Variants in SLC1A3 observed in about 807,000 individuals in gnomAD.
The protein encoded by SLC1A3 is solute carrier family 1 member 3, also known as excitatory amino acid transporter 1.
A neutral mutation model predicts 48.1 loss-of-function variants in SLC1A3; 21 were observed. The observed-to-expected ratio is 0.44, with a 90% CI of 0.31 to 0.63. SLC1A3 has a LOEUF of 0.63. Among genes scored for constraint, SLC1A3 ranks in the 20% least tolerant of loss-of-function variants. The probability of loss-of-function intolerance (pLI) is 0.08; values close to 1 mark genes in which losing one functional copy is unlikely to be tolerated. For missense variants in SLC1A3, 546 were observed against 689.0 expected, an observed-to-expected ratio of 0.79 and a Z score of 2.32; for synonymous variants, 239 against 251.4, an observed-to-expected ratio of 0.95 and a Z score of 0.47.
At chr5:36,675,919 C>A (rs973088567) in intron 5 of SLC1A3, among the ~76,000 whole-genome samples, 12 of 152,086 alleles carry the variant, frequency 7.9e-5, no homozygotes, top group African/African-American at 2.4e-4. Flanking sequence ...GATTCACTCA[C>A]CATCACTCAC....
chr5:36,608,199 G>C (rs890977712), intron 1 of SLC1A3, 130 bp from the exon 2 acceptor site: 2 of 549,612 alleles, frequency 3.6e-6, no homozygotes, highest in African/African-American at 3.8e-5. Context: ...TTGAGGTCTG[G>C]TATTGTGGCT....
Position 36,642,571 on chromosome 5 carries a change from C to T in SLC1A3, c.319+12984C>T, listed in dbSNP as rs1740658202. 2.6e-5 allele frequency among the ~76,000 whole-genome samples: 4 copies of T among 152,330 alleles called. No homozygotes were observed. The South Asian group carries it at 8.3e-4, about 32-fold the overall frequency. On this transcript the variant is annotated intron_variant, in intron 3 of 9. Coordinates refer to ENST00000265113, the MANE Select transcript of SLC1A3 (RefSeq NM_004172.5). ...AAGAGGTTTATTGAGATATAACTCA[C>T]ATACATGCAATTTACCCATTTAAAG...
intron 3 of SLC1A3, among the ~76,000 whole-genome samples, chr5:36,646,104 T>C (rs1740830518): frequency 1.3e-5 from 2 of 152,250 alleles, no homozygotes; most frequent in East Asian, 3.8e-4. Flanking sequence ...CACTGAATAC[T>C]CTTTAAAGAA....
At chr5:36,679,597 T>A (rs1470440781) in intron 6 of SLC1A3, 30 bp from the exon 7 acceptor site, 2 of 1,504,012 alleles carry the variant, frequency 1.3e-6, no homozygotes, top group Non-Finnish European at 1.9e-6. Context: ...GAAACCAGAC[T>A]CCAACCGTGC....
At chr5:36,608,781 T>C in intron 2 of SLC1A3, 177 bp downstream of exon 2, 1 of 1,432,094 alleles carries the variant, frequency 7.0e-7, no homozygotes, top group Admixed American at 2.9e-5. Flanking sequence ...TTTGGAGCAA[T>C]ATATAGTAAA....
In SLC1A3 at chr5:36,686,074, C is replaced by G. The variant is rs778865549; in HGVS notation, c.1434C>G (p.Leu478=). The G allele has an allele frequency of 4.4e-5, 71 of 1,614,018 alleles. 1 individual carries two copies. In the East Asian group the frequency reaches 8.2e-4, roughly 19 times the overall value. The change falls in exon 10 of 10, where the codon CTC becomes CTG. Residue 478 remains leucine (L), a synonymous_variant. Coordinates refer to ENST00000265113, the MANE Select transcript of SLC1A3 (RefSeq NM_004172.5). ...IIAVDWFLDR[L]RTTTNVLGDS... is the part of the protein sequence containing the mutation. The stretch of plus-strand genomic sequence containing the variant: ...CCCACCCTGCCTGCAGGGATCGCCT[C>G]CGGACCACCACCAACGTACTGGGAG...
Position 36,600,561 on chromosome 5 carries a change from A to G in SLC1A3, c.-96+3883A>G, listed in dbSNP as rs572025477. Among the ~76,000 whole-genome samples, 3 of 152,262 alleles carry G rather than the reference A, an allele frequency of 2.0e-5. No homozygotes were observed. In the South Asian group the frequency reaches 6.2e-4, roughly 32 times the overall value. ...CAACTAGTCATCCTGCGTTAATTCT[A>G]TTTCAAGCAAGTGTGATCCATCCTT... On this transcript the variant is annotated intron_variant, in intron 1 of 9. Coordinates refer to the SLC1A3 transcript ENST00000680318.
At chr5:36,611,358 T>G (rs1156852847) in intron 2 of SLC1A3, among the ~76,000 whole-genome samples, 1 of 150,468 alleles carries the variant, frequency 6.6e-6, no homozygotes, top group African/African-American at 2.4e-5. Flanking sequence ...TTTTTTTTTT[T>G]GCCTTTTTGA....
At chr5:36,597,027 T>TGG (rs1359921681) in intron 1 of SLC1A3, among the ~76,000 whole-genome samples, 1 of 152,094 alleles carries the variant, frequency 6.6e-6, no homozygotes, top group Non-Finnish European at 1.5e-5. Context: ...TTTGTTTGGT[T>TGG]GGTTGTTTTG....
At chr5:36,625,335 G>A (rs1290846648) in intron 2 of SLC1A3, among the ~76,000 whole-genome samples, 1 of 152,190 alleles carries the variant, frequency 6.6e-6, no homozygotes, top group Non-Finnish European at 1.5e-5. Flanking sequence ...GTTCATGCCT[G>A]TAATCACAGC....
chr5:36,613,355 G>A (rs1185389531), intron 2 of SLC1A3: 1 of 153,356 alleles, frequency 6.5e-6, no homozygotes, highest in African/African-American at 2.4e-5. Flanking sequence ...TCTCCTTCAT[G>A]CTTAAAAGCA....
At chr5:36,607,038 T>C (rs1316623282) in intron 1 of SLC1A3, 2 of 44,776 alleles carry the variant, frequency 4.5e-5, no homozygotes, top group Non-Finnish European at 8.2e-5. Flanking sequence ...GAGCTATTAG[T>C]TTAAAAAAAA....
At chr5:36,677,748 T>A (rs1742272866) in intron 6 of SLC1A3, among the ~76,000 whole-genome samples, 1 of 152,140 alleles carries the variant, frequency 6.6e-6, no homozygotes. Context: ...AAGACCTGAA[T>A]GAACAGAGGA....
chr5:36,613,146 A>C (rs569794741), intron 2 of SLC1A3: 1 of 260,860 alleles, frequency 3.8e-6, no homozygotes, highest in African/African-American at 2.2e-5. Context: ...GATGCCACCG[A>C]GGTGCATATA....
Position 36,629,573 on chromosome 5 carries a change from C to A in SLC1A3, c.305C>A (p.Ser102Tyr). The A allele has an allele frequency of 6.2e-7, 1 of 1,613,242 alleles. No individual in the cohort carries two copies. The highest frequency in any genetic ancestry group is 8.5e-7 in the Non-Finnish European group (1 of 1,179,416). ...LQMLVLPLIISSLVTGMAALD... is the reference protein window; with the variant it reads ...LQMLVLPLIIYSLVTGMAALD... The stretch of plus-strand genomic sequence containing the variant: ...ATGCTGGTCTTACCACTTATCATCT[C>A]CAGTCTTGTCACAGGTACCATAAGC... Residue 102 changes from serine to tyrosine, a missense_variant, in exon 3 of 10, where the codon TCC (serine) becomes TAC (tyrosine). By Grantham distance (144) the Ser-to-Tyr change is moderately radical (BLOSUM62 -2). This residue lies in a region of SLC1A3 where 348 missense variants were observed against 392.0 expected (regional missense o/e 0.89). Transcript: ENST00000265113.
At chr5:36,647,212 T>C (rs1158630238) in intron 3 of SLC1A3, among the ~76,000 whole-genome samples, 1 of 152,246 alleles carries the variant, frequency 6.6e-6, no homozygotes. Context: ...GAGTCTAATT[T>C]GGTCATTTGC....
chr5:36,685,988 C>A, intron 9 of SLC1A3, 77 bp from the exon 10 acceptor site: 1 of 1,147,086 alleles, frequency 8.7e-7, no homozygotes, highest in Non-Finnish European at 1.3e-6. Flanking sequence ...GCTTCGCTGG[C>A]CAGTTCCTAA....
intron 1 of SLC1A3, among the ~76,000 whole-genome samples, chr5:36,597,233 C>CTTTTTTTTTTTTTTTTT (rs70976237): frequency 2.4e-4 from 11 of 46,114 alleles, no homozygotes; most frequent in Non-Finnish European, 3.2e-4. Flanking sequence ...TTCTTCCTTT[C>CTTTTTTTTTTTTTTTTT]TTTTTTTTTT....
chr5:36,667,933 T>TGC (rs1480411849), intron 3 of SLC1A3: 4 of 152,234 alleles, frequency 2.6e-5, no homozygotes, highest in African/African-American at 9.6e-5. Context: ...ATCATTATCT[T>TGC]TACCACTTGC....
Sources: gnomAD v4.1 joint callset for allele counts (sites outside exome capture counted in the v4.1 genomes callset) on GRCh38, gnomAD v4.1.1 for gene constraint, gnomAD v4.1.1 regional missense constraint, MANE v1.5 for transcripts, NCBI Gene and HGNC (gene_info 2026-07-23, HGNC 2026-07-21) for gene names.